Variants in DGKI observed in about 807,000 individuals in gnomAD.
The protein encoded by DGKI is DAG kinase iota.
DGKI carries 55 observed loss-of-function variants against 147.5 expected under a neutral mutation model. That is an observed-to-expected ratio of 0.37 (90% confidence interval 0.30 to 0.47). The LOEUF is 0.47. DGKI is among the 20% of genes least tolerant of loss of function. The pLI, the probability that DGKI is intolerant of heterozygous loss-of-function variation, is 1.00. For missense variants in DGKI, 1,007 were observed against 1,323.8 expected, an observed-to-expected ratio of 0.76 and a Z score of 3.71; for synonymous variants, 469 against 477.1, an observed-to-expected ratio of 0.98 and a Z score of 0.22.
intron 21 of DGKI, among the ~76,000 whole-genome samples, chr7:137,496,623 T>A (rs1272509891): frequency 6.6e-6 from 1 of 151,500 alleles, no homozygotes; most frequent in African/African-American, 2.4e-5. Flanking sequence ...TCAAACAGAA[T>A]AGAGAGTGCA....
intron 20 of DGKI, among the ~76,000 whole-genome samples, chr7:137,547,420 A>G (rs1817902078): frequency 6.6e-6 from 1 of 152,222 alleles, no homozygotes; most frequent in Non-Finnish European, 1.5e-5. Context: ...ATGAAGCCCT[A>G]TTAGTTAACT....
At chr7:137,465,614 T>C (rs916075106) in intron 26 of DGKI, among the ~76,000 whole-genome samples, 1 of 152,214 alleles carries the variant, frequency 6.6e-6, no homozygotes, top group Admixed American at 6.5e-5. Context: ...TTAATGTAGA[T>C]AACAGAGTTA....
chr7:137,750,770 G>A (rs1795470245), intron 1 of DGKI, among the ~76,000 whole-genome samples: 1 of 152,108 alleles, frequency 6.6e-6, no homozygotes, highest in Non-Finnish European at 1.5e-5. Flanking sequence ...TGTGACCTTG[G>A]GGACTCAGGA....
chr7:137,805,096 T>C (rs1797325615), intron 1 of DGKI, among the ~76,000 whole-genome samples: 1 of 152,226 alleles, frequency 6.6e-6, no homozygotes, highest in Non-Finnish European at 1.5e-5. Context: ...TACTGATGTG[T>C]ATTGAGTGCT....
chr7:137,594,370 T>C (rs1005253904), intron 12 of DGKI, among the ~76,000 whole-genome samples: 7 of 152,194 alleles, frequency 4.6e-5, no homozygotes, highest in African/African-American at 1.7e-4. Flanking sequence ...TTAAATAATA[T>C]ACAATTAAAG....
chr7:137,481,570 A>G (rs913421016), intron 23 of DGKI, among the ~76,000 whole-genome samples: 1 of 152,164 alleles, frequency 6.6e-6, no homozygotes, highest in South Asian at 2.1e-4. Flanking sequence ...TCAACAGGCT[A>G]TAAATATCTA....
intron 19 of DGKI, among the ~76,000 whole-genome samples, chr7:137,564,586 T>C (rs1818521148): frequency 6.6e-6 from 1 of 152,032 alleles, no homozygotes; most frequent in South Asian, 2.1e-4. Flanking sequence ...AAAAACAAAA[T>C]GGTAACAATA....
intron 1 of DGKI, among the ~76,000 whole-genome samples, chr7:137,835,250 GA>G (rs1446035821): frequency 6.6e-6 from 1 of 152,134 alleles, no homozygotes; most frequent in Non-Finnish European, 1.5e-5. Context: ...ATTTTCTGGA[GA>G]CTTCCAAATC....
intron 23 of DGKI, among the ~76,000 whole-genome samples, chr7:137,476,253 T>C (rs1046771888): frequency 4.6e-5 from 7 of 152,210 alleles, no homozygotes; most frequent in Non-Finnish European, 7.3e-5. Context: ...CAGTGAAGGA[T>C]AAGAAACACT....
chr7:137,834,044 T>C (rs2117080708), intron 1 of DGKI, among the ~76,000 whole-genome samples: 2 of 152,336 alleles, frequency 1.3e-5, no homozygotes, highest in Admixed American at 1.3e-4. Context: ...TCCTTTTCTG[T>C]AAAGCTATGG....
chr7:137,401,655 G>A (rs1309945877), intron 30 of DGKI, among the ~76,000 whole-genome samples: 1 of 152,184 alleles, frequency 6.6e-6, no homozygotes, highest in Non-Finnish European at 1.5e-5. Flanking sequence ...GGAATTTCGA[G>A]GGAGATCATC....
At chr7:137,558,791 C>T (rs1336163500) in intron 19 of DGKI, among the ~76,000 whole-genome samples, 6 of 123,984 alleles carry the variant, frequency 4.8e-5, no homozygotes, top group Admixed American at 4.2e-4. Flanking sequence ...TCAGGTGATC[C>T]ACCCACCTTG....
intron 27 of DGKI, among the ~76,000 whole-genome samples, chr7:137,461,805 T>C (rs554321254): frequency 6.6e-6 from 1 of 152,284 alleles, no homozygotes; most frequent in South Asian, 2.1e-4. Flanking sequence ...TAAAGTAGTA[T>C]AAATGACTGC....
intron 11 of DGKI, among the ~76,000 whole-genome samples, chr7:137,599,389 G>T (rs765090151): frequency 6.6e-6 from 1 of 151,604 alleles, no homozygotes; most frequent in Non-Finnish European, 1.5e-5. Flanking sequence ...ACACACAAGC[G>T]CGCGCACACA....
At chr7:137,825,761 T>A (rs1798041971) in intron 1 of DGKI, among the ~76,000 whole-genome samples, 1 of 152,096 alleles carries the variant, frequency 6.6e-6, no homozygotes, top group South Asian at 2.1e-4. Context: ...TTTTCTAACA[T>A]GGATGGACGG....
chr7:137,519,123 T>G (rs962813324), intron 21 of DGKI, among the ~76,000 whole-genome samples: 1 of 151,986 alleles, frequency 6.6e-6, no homozygotes, highest in Admixed American at 6.6e-5. Context: ...AGGACTAAAT[T>G]TTTCCGGGAT....
chr7:137,462,648 A>T (rs1355609099), intron 27 of DGKI, among the ~76,000 whole-genome samples: 1 of 152,124 alleles, frequency 6.6e-6, no homozygotes, highest in Admixed American at 6.5e-5. Flanking sequence ...TTATCTTGTT[A>T]TTCTGTCAAA....
intron 2 of DGKI, among the ~76,000 whole-genome samples, chr7:137,685,353 G>T (rs909806038): frequency 6.6e-6 from 1 of 152,166 alleles, no homozygotes; most frequent in African/African-American, 2.4e-5. Flanking sequence ...TGTTCAGGGG[G>T]TTGTTTTAGG....
chr7:137,520,478 A>T (rs1160316523), intron 21 of DGKI, among the ~76,000 whole-genome samples: 1 of 152,086 alleles, frequency 6.6e-6, no homozygotes, highest in East Asian at 1.9e-4. Context: ...TTAGATTAGA[A>T]AATGTAATAT....
Sources: gnomAD v4.1 joint callset for allele counts (sites outside exome capture counted in the v4.1 genomes callset) on GRCh38, gnomAD v4.1.1 for gene constraint, MANE v1.5 for transcripts, NCBI Gene and HGNC (gene_info 2026-07-23, HGNC 2026-07-21) for gene names.